Variants in FRMD6 observed in about 807,000 individuals in gnomAD.
FRMD6 encodes the protein FERM domain containing 6, also known as FERM domain-containing protein 6.
Under a neutral mutation model 73.2 loss-of-function variants are expected in FRMD6, and 37 were observed. The ratio of observed to expected loss-of-function variants is 0.51; its 90% CI spans 0.39 to 0.66. The LOEUF is 0.66. Among genes scored for constraint, FRMD6 ranks in the 30% least tolerant of loss-of-function variants. FRMD6 has a pLI of 0.00. For missense variants in FRMD6, 714 were observed against 780.5 expected, an observed-to-expected ratio of 0.91 and a Z score of 1.02; for synonymous variants, 273 against 282.2, an observed-to-expected ratio of 0.97 and a Z score of 0.33.
At chr14:51,720,547 T>C in intron 11 of FRMD6, 157 bp downstream of exon 11, 1 of 656,614 alleles carries the variant, frequency 1.5e-6, no homozygotes, top group South Asian at 1.9e-5. Context: ...TTGAGTTGCT[T>C]GTGTTTGGCT....
chr14:51,663,846 T>G (rs1594686743), intron 1 of FRMD6, among the ~76,000 whole-genome samples: 1 of 152,288 alleles, frequency 6.6e-6, no homozygotes, highest in African/African-American at 2.4e-5. Context: ...GGTCATCCCA[T>G]GGTGGAATGC....
At chr14:51,655,176 G>A (rs561603358) in intron 1 of FRMD6, among the ~76,000 whole-genome samples, 1 of 152,210 alleles carries the variant, frequency 6.6e-6, no homozygotes, top group Admixed American at 6.5e-5. Flanking sequence ...CACCCCCAAC[G>A]AGGAAAAACA....
chr14:51,690,016 T>C (rs1895433722), intron 2 of FRMD6, 81 bp downstream of exon 2: 2 of 919,896 alleles, frequency 2.2e-6, no homozygotes, highest in Non-Finnish European at 3.6e-6. Flanking sequence ...TGATTAAGGG[T>C]GAAATCTTTA....
chr14:51,507,381 C>A (rs1318639168), intron 1 of FRMD6, among the ~76,000 whole-genome samples: 2 of 151,716 alleles, frequency 1.3e-5, no homozygotes, highest in Admixed American at 1.3e-4. Context: ...GCTTCCAGAT[C>A]ATTCCCCAAA....
chr14:51,544,267 A>G (rs1304084784), intron 1 of FRMD6, among the ~76,000 whole-genome samples: 1 of 152,094 alleles, frequency 6.6e-6, no homozygotes, highest in Non-Finnish European at 1.5e-5. Flanking sequence ...TTTAAAACTT[A>G]AGGATTTATG....
At chr14:51,532,471 T>C (rs947344972) in intron 1 of FRMD6, among the ~76,000 whole-genome samples, 2 of 152,158 alleles carry the variant, frequency 1.3e-5, no homozygotes, top group African/African-American at 4.8e-5. Context: ...ATTATATTCA[T>C]TCAGATTGAA....
chr14:51,467,914 C>T, the FRMD6 span, among the ~76,000 whole-genome samples: 1 of 152,106 alleles, frequency 6.6e-6, no homozygotes, highest in Admixed American at 6.5e-5. Context: ...GCTGCAATCT[C>T]GGTACTCTGG....
intron 2 of FRMD6, among the ~76,000 whole-genome samples, chr14:51,585,922 C>CGTGTGTGTGTGTGTGTGTGTGTGTGT (rs1461002719): frequency 2.1e-3 from 23 of 10,750 alleles, no homozygotes; most frequent in African/African-American, 5.2e-3. Flanking sequence ...TATGCCATGG[C>CGTGTGTGTGTGTGTGTGTGTGTGTGT]ATGTGTGTGT....
chr14:51,407,536 G>T, the FRMD6 span, among the ~76,000 whole-genome samples: 1 of 151,514 alleles, frequency 6.6e-6, no homozygotes. Context: ...TTTTTCATGG[G>T]TATAGAATCA....
At chr14:51,413,481 A>T in the FRMD6 span, among the ~76,000 whole-genome samples, 17 of 152,312 alleles carry the variant, frequency 1.1e-4, no homozygotes, top group South Asian at 4.1e-4. Context: ...CCTGCAAAGG[A>T]CATGAACTCA....
chr14:51,435,051 G>A, the FRMD6 span, among the ~76,000 whole-genome samples: 48 of 152,262 alleles, frequency 3.2e-4, no homozygotes, highest in African/African-American at 1.1e-3. Context: ...CATGACAACC[G>A]AATACAATGT....
At chr14:51,701,257 T>C (rs1430417201) in intron 4 of FRMD6, 98 bp downstream of exon 4, 3 of 554,348 alleles carry the variant, frequency 5.4e-6, no homozygotes, top group South Asian at 2.8e-5. Flanking sequence ...CAATACTTTA[T>C]GTACTATACT....
At chr14:51,484,310 G>C (rs562879086), upstream of FRMD6, among the ~76,000 whole-genome samples, 1 of 152,262 alleles carries the variant, frequency 6.6e-6, no homozygotes, top group Admixed American at 6.5e-5. Context: ...TGTGAATCAG[G>C]AGGCCACTGC....
At chr14:51,436,271 A>G in the FRMD6 span, 1 of 363,928 alleles carries the variant, frequency 2.7e-6, no homozygotes, top group South Asian at 3.1e-5. Flanking sequence ...TCCGTAAATA[A>G]TTTTCTCAGA....
chr14:51,520,378 G>A (rs1473939956), intron 1 of FRMD6, among the ~76,000 whole-genome samples: 2 of 152,152 alleles, frequency 1.3e-5, no homozygotes, highest in African/African-American at 4.8e-5. Context: ...GGAAGAGAAA[G>A]GAAGTTTCTT....
At chr14:51,649,270 G>T (rs1027287932), upstream of FRMD6, among the ~76,000 whole-genome samples, 1 of 151,990 alleles carries the variant, frequency 6.6e-6, no homozygotes, top group Non-Finnish European at 1.5e-5. Context: ...GTTTAATGTG[G>T]TATTTATACT....
intron 1 of FRMD6, among the ~76,000 whole-genome samples, chr14:51,492,712 C>T (rs1043088343): frequency 6.6e-6 from 1 of 152,140 alleles, no homozygotes; most frequent in Non-Finnish European, 1.5e-5. Flanking sequence ...ATTAATTGAA[C>T]AGGTAGTGTG....
chr14:51,475,761 A>C, the FRMD6 span, among the ~76,000 whole-genome samples: 5 of 152,252 alleles, frequency 3.3e-5, no homozygotes, highest in Non-Finnish European at 2.9e-5. Flanking sequence ...GCCTTTTCCC[A>C]AACTTTTTGC....
intron 1 of FRMD6, among the ~76,000 whole-genome samples, chr14:51,665,240 C>T (rs1183381952): frequency 1.3e-5 from 2 of 152,198 alleles, no homozygotes; most frequent in East Asian, 3.8e-4. Context: ...CAGCTTCCCC[C>T]TTTATACGGG....
Sources: gnomAD v4.1 joint callset for allele counts (sites outside exome capture counted in the v4.1 genomes callset) on GRCh38, gnomAD v4.1.1 for gene constraint, MANE v1.5 for transcripts, NCBI Gene and HGNC (gene_info 2026-07-23, HGNC 2026-07-21) for gene names.